FOXP1: variants seen among roughly 807,000 people sequenced by gnomAD.
The protein encoded by FOXP1 is forkhead box P1.
In FOXP1, 15 loss-of-function variants were observed where a neutral mutation model predicts 98.2. The ratio of observed to expected loss-of-function variants is 0.15; its 90% CI spans 0.10 to 0.24. FOXP1 has a LOEUF of 0.24. FOXP1 is among the 10% of genes least tolerant of loss of function. The pLI is 1.00. For missense variants in FOXP1, 633 were observed against 848.5 expected, an observed-to-expected ratio of 0.75 and a Z score of 3.15; for synonymous variants, 371 against 314.5, an observed-to-expected ratio of 1.18 and a Z score of -1.90.
At chr3:71,382,599 G>A (rs2080264454) in intron 3 of FOXP1, among the ~76,000 whole-genome samples, 1 of 152,142 alleles carries the variant, frequency 6.6e-6, no homozygotes, top group Non-Finnish European at 1.5e-5. Flanking sequence ...CATGTGCAAG[G>A]AAATCTACAG....
chr3:71,353,307 G>A (rs971032459), intron 4 of FOXP1, among the ~76,000 whole-genome samples: 2 of 152,138 alleles, frequency 1.3e-5, no homozygotes, highest in South Asian at 2.1e-4. Flanking sequence ...CAAGCATCCC[G>A]CGTAAACTGC....
intron 3 of FOXP1, among the ~76,000 whole-genome samples, chr3:71,414,737 C>A (rs181792368): frequency 7.9e-5 from 12 of 152,172 alleles, no homozygotes; most frequent in East Asian, 1.9e-4. Context: ...TGGGAAACAC[C>A]GGGTGTGCCT....
intron 3 of FOXP1, among the ~76,000 whole-genome samples, chr3:71,373,761 T>A (rs1229232829): frequency 6.6e-6 from 1 of 152,198 alleles, no homozygotes; most frequent in Non-Finnish European, 1.5e-5. Context: ...AGCCTATGAA[T>A]GTTTCTGGAC....
At chr3:71,081,534 C>T (rs2054415906) in intron 7 of FOXP1, among the ~76,000 whole-genome samples, 1 of 152,068 alleles carries the variant, frequency 6.6e-6, no homozygotes, top group African/African-American at 2.4e-5. Flanking sequence ...GCATTCTTTC[C>T]ATTGCTTCAC....
chr3:71,539,688 ACTT>A (rs1223384746), intron 2 of FOXP1, among the ~76,000 whole-genome samples: 1 of 152,118 alleles, frequency 6.6e-6, no homozygotes, highest in Non-Finnish European at 1.5e-5. Context: ...TGAGTTTTAT[ACTT>A]CTTTTATTAT....
At chr3:71,374,900 A>G (rs1289086713) in intron 3 of FOXP1, among the ~76,000 whole-genome samples, 1 of 152,190 alleles carries the variant, frequency 6.6e-6, no homozygotes, top group Non-Finnish European at 1.5e-5. Flanking sequence ...TCCTTCCTCT[A>G]TCTACTAGCC....
intron 7 of FOXP1, among the ~76,000 whole-genome samples, chr3:71,091,438 C>T (rs1029496741): frequency 6.6e-6 from 1 of 151,752 alleles, no homozygotes; most frequent in African/African-American, 2.4e-5. Flanking sequence ...TGTAGTGAGC[C>T]GAGATCGCAC....
chr3:71,048,594 A>G (rs2049368611), intron 9 of FOXP1, among the ~76,000 whole-genome samples: 1 of 152,172 alleles, frequency 6.6e-6, no homozygotes, highest in Non-Finnish European at 1.5e-5. Context: ...TTTTAAGAAC[A>G]GCATGCATAA....
In FOXP1 at chr3:70,955,824, G is replaced by A. The variant is rs1040699764; in HGVS notation, c.*3423C>T. On this transcript the variant is annotated 3_prime_UTR_variant, in exon 21 of 21. Transcript: ENST00000649528. ...TATCAAAAAACAGATTAACACACAC[G>A]CACGCGCGCACACACACACACACAC... The A allele has an allele frequency of 5.2e-5, 11 of 213,270 alleles. No homozygotes were observed. Among genetic ancestry groups the A allele is most frequent in the African/African-American group, 2.4e-4 (8 of 33,434 alleles). 13.2% of individuals were successfully genotyped at this position (213,270 alleles called of 1,614,324 possible).
At chr3:71,442,972 A>C (rs2086085158) in intron 3 of FOXP1, among the ~76,000 whole-genome samples, 1 of 152,096 alleles carries the variant, frequency 6.6e-6, no homozygotes, top group Non-Finnish European at 1.5e-5. Flanking sequence ...GCTAACTGCA[A>C]CCTCTGCCTC....
At chr3:71,445,974 C>T (rs2086377166) in intron 3 of FOXP1, among the ~76,000 whole-genome samples, 2 of 152,172 alleles carry the variant, frequency 1.3e-5, no homozygotes, top group African/African-American at 2.4e-5. Flanking sequence ...AGGTGTGAGC[C>T]ACCGTGCCCG....
chr3:71,190,638 CAAAAAA>C (rs55747148), intron 6 of FOXP1, among the ~76,000 whole-genome samples: 41 of 43,512 alleles, frequency 9.4e-4, no homozygotes, highest in Middle Eastern at 0.018. Flanking sequence ...ACCCCATCTC[CAAAAAA>C]AAAAAAAAAA....
At chr3:71,035,342 A>G (rs771921152) in intron 11 of FOXP1, among the ~76,000 whole-genome samples, 1 of 152,222 alleles carries the variant, frequency 6.6e-6, no homozygotes, top group Non-Finnish European at 1.5e-5. Context: ...GAGAAACACC[A>G]GGCTAATGGT....
intron 3 of FOXP1, among the ~76,000 whole-genome samples, chr3:71,480,482 C>A (rs2090186454): frequency 1.3e-5 from 2 of 152,208 alleles, no homozygotes; most frequent in Non-Finnish European, 1.5e-5. Flanking sequence ...TAAGAACAGT[C>A]ACAATGTTTC....
chr3:71,453,209 T>G lies in FOXP1; in HGVS notation c.-168+40217A>C, dbSNP rs185116561. On this transcript the variant is annotated intron_variant, in intron 3 of 20. Coordinates refer to ENST00000649528, the MANE Select transcript of FOXP1 (RefSeq NM_001349338.3). ...GGGTATGTCCCCACACTTCCTAATT[T>G]CCTAAGAAAATGAAATACATATATA... is the stretch of plus-strand genomic sequence containing the variant. Among the ~76,000 whole-genome samples the G allele has an allele frequency of 3.3e-5, 5 of 152,214 alleles. No individual in the cohort carries two copies. The East Asian group carries it at 9.6e-4, about 29-fold the overall frequency.
rs546762644 is a variant in FOXP1 at position 71,156,188 on chromosome 3, G to T, written c.180+42014C>A. Among the ~76,000 whole-genome samples, 4 of 152,316 alleles carry T rather than the reference G, an allele frequency of 2.6e-5. No homozygotes were observed. In the South Asian group the frequency reaches 8.3e-4, roughly 32 times the overall value. ...AAAGGGAACCAGCTCCAGGGGGAGGGGGGGTGAAAGTTTTCAAGAGAAGGT... is the reference window on the plus strand; with the variant it reads ...AAAGGGAACCAGCTCCAGGGGGAGGTGGGGTGAAAGTTTTCAAGAGAAGGT... On this transcript the variant is annotated intron_variant, in intron 6 of 20. Coordinates refer to ENST00000649528, the MANE Select transcript of FOXP1 (RefSeq NM_001349338.3).
At chr3:71,214,938 C>T (rs2064808665) in intron 5 of FOXP1, among the ~76,000 whole-genome samples, 1 of 152,214 alleles carries the variant, frequency 6.6e-6, no homozygotes, top group African/African-American at 2.4e-5. Context: ...AACCTGTGCA[C>T]TGCAACTGTG....
chr3:71,083,826 C>T (rs1456669294), intron 7 of FOXP1, among the ~76,000 whole-genome samples: 1 of 152,208 alleles, frequency 6.6e-6, no homozygotes, highest in Admixed American at 6.5e-5. Context: ...CTCTCTCACC[C>T]CAACCCCTCA....
chr3:71,557,661 C>T (rs183787056), intron 2 of FOXP1, among the ~76,000 whole-genome samples: 2 of 152,302 alleles, frequency 1.3e-5, no homozygotes, highest in Admixed American at 6.5e-5. Flanking sequence ...GTCCTGCCTC[C>T]GACTTTCTGC....
Sources: allele counts gnomAD v4.1 joint callset (sites outside exome capture counted in the v4.1 genomes callset), GRCh38; gene constraint gnomAD v4.1.1; transcripts MANE v1.5; gene names NCBI Gene and HGNC (gene_info 2026-07-23, HGNC 2026-07-21).